Variants in ATP2B1 observed in about 807,000 individuals in gnomAD.
ATP2B1 encodes the protein plasma membrane calcium-transporting ATPase 1.
ATP2B1 carries 14 observed loss-of-function variants against 124.2 expected under a neutral mutation model. The observed-to-expected ratio is 0.11, with a 90% CI of 0.07 to 0.18. ATP2B1 has a LOEUF of 0.18. Among genes scored for constraint, ATP2B1 ranks in the 10% least tolerant of loss-of-function variants. The pLI is 1.00. For missense variants in ATP2B1, 763 were observed against 1,466.1 expected, an observed-to-expected ratio of 0.52 and a Z score of 7.83; for synonymous variants, 449 against 492.4, an observed-to-expected ratio of 0.91 and a Z score of 1.17.
Position 89,603,513 on chromosome 12 carries a change from T to C in ATP2B1, c.2848+199A>G. 1.5e-6 allele frequency: 1 copy of C among 647,052 alleles called. No individual in the cohort carries two copies. The highest frequency in any genetic ancestry group is 2.0e-5 in the South Asian group (1 of 49,650). The allele number at this position is 647,052 out of a possible 1,614,324, so 40.1% of individuals were successfully genotyped here. On this transcript the variant is annotated intron_variant, in intron 17 of 20. Transcript: ENST00000428670. This position sits in a 1 kb window ranked among gnomAD's most constrained non-coding sequence, Gnocchi z 4.3. Reference sequence around the variant, plus strand: ...CAGGGTAAGACATCAGGACTGTTTATTCTCCTGTTTATTCTACTATCTAGC... The same window carrying C: ...CAGGGTAAGACATCAGGACTGTTTACTCTCCTGTTTATTCTACTATCTAGC...
chr12:89,643,099 C>CGT (rs1883845217), intron 2 of ATP2B1, among the ~76,000 whole-genome samples: 1 of 145,170 alleles, frequency 6.9e-6, no homozygotes, highest in Admixed American at 6.9e-5. Context: ...CACATATATA[C>CGT]ATACGTATAT....
At chr12:89,707,580 C>G (rs1302985440) in intron 1 of ATP2B1, among the ~76,000 whole-genome samples, 1 of 152,178 alleles carries the variant, frequency 6.6e-6, no homozygotes, top group African/African-American at 2.4e-5. Flanking sequence ...CTGCAGCGCT[C>G]TAACCCAAAG....
chr12:89,622,746 G>T (rs1327051311), intron 9 of ATP2B1, among the ~76,000 whole-genome samples: 1 of 152,142 alleles, frequency 6.6e-6, no homozygotes, highest in Admixed American at 6.5e-5. Context: ...AACACTAACA[G>T]AGAATCCATA....
intron 1 of ATP2B1, among the ~76,000 whole-genome samples, chr12:89,658,604 A>T (rs1284181717): frequency 9.0e-6 from 1 of 110,730 alleles, no homozygotes; most frequent in African/African-American, 3.6e-5. Context: ...AACAGGAGAG[A>T]GAGAGAGAGA....
At chr12:89,658,871 C>A (rs1159186835) in intron 1 of ATP2B1, among the ~76,000 whole-genome samples, 1 of 152,126 alleles carries the variant, frequency 6.6e-6, no homozygotes, top group Non-Finnish European at 1.5e-5. Context: ...GAAAAGGAAG[C>A]CCAGACAAAA....
intron 1 of ATP2B1, among the ~76,000 whole-genome samples, chr12:89,701,020 C>T (rs1891780528): frequency 6.6e-6 from 1 of 152,204 alleles, no homozygotes; most frequent in African/African-American, 2.4e-5. Context: ...CTATGTATCA[C>T]TCAGACATTC....
chr12:89,592,013 C>G (rs1247875996), intron 20 of ATP2B1, among the ~76,000 whole-genome samples: 1 of 151,946 alleles, frequency 6.6e-6, no homozygotes, highest in African/African-American at 2.4e-5. Context: ...AAAAACAAAT[C>G]CTCTGGGATT....
chr12:89,601,071 C>A (rs1018785124), intron 19 of ATP2B1, among the ~76,000 whole-genome samples: 2 of 151,926 alleles, frequency 1.3e-5, no homozygotes, highest in Admixed American at 1.3e-4. Flanking sequence ...AAAACCGCTA[C>A]AAAACTTCTA....
At chr12:89,682,496 T>C (rs561778143) in intron 1 of ATP2B1, among the ~76,000 whole-genome samples, 18 of 152,166 alleles carry the variant, frequency 1.2e-4, no homozygotes, top group African/African-American at 3.6e-4. Context: ...AGTATGGCAA[T>C]GATAGATAAA....
At chr12:89,637,815 T>TA (rs1882931134) in intron 3 of ATP2B1, among the ~76,000 whole-genome samples, 1 of 151,280 alleles carries the variant, frequency 6.6e-6, no homozygotes, top group East Asian at 1.9e-4. Flanking sequence ...TTTTTCCTGA[T>TA]AGAGTAAATA....
At chr12:89,591,354 T>C (rs757086886) in intron 20 of ATP2B1, 59 bp from the exon 21 acceptor site, 29 of 1,447,342 alleles carry the variant, frequency 2.0e-5, no homozygotes, top group Non-Finnish European at 2.6e-5. Flanking sequence ...TTAAAAATGG[T>C]TCATTTATGA....
At chr12:89,680,664 G>C (rs11105368) in intron 1 of ATP2B1, among the ~76,000 whole-genome samples, 23,356 of 152,050 alleles carry the variant, frequency 0.15, 2,148 homozygotes, top group South Asian at 0.36. Flanking sequence ...AACAGAACTA[G>C]TATTTAAAAA....
At chr12:89,705,750 T>C (rs1892373528) in intron 1 of ATP2B1, among the ~76,000 whole-genome samples, 1 of 152,152 alleles carries the variant, frequency 6.6e-6, no homozygotes. Context: ...CCATATTCCA[T>C]AGTTCGACAG....
intron 2 of ATP2B1, among the ~76,000 whole-genome samples, chr12:89,647,330 T>C (rs191242062): frequency 2.6e-5 from 4 of 152,296 alleles, no homozygotes; most frequent in African/African-American, 9.6e-5. Flanking sequence ...TCCATCATTG[T>C]TTGGAGAAAT....
chr12:89,634,730 A>G lies in ATP2B1; in HGVS notation c.787+48T>C, dbSNP rs1048347440. ...AAATGGTGTTTGCTGACAATGGTAC[A>G]TAGTTGCGAAAGAGGAAAGTGTTCA... On this transcript the variant is annotated intron_variant, in intron 5 of 20. Coordinates refer to ENST00000428670, the MANE Select transcript of ATP2B1 (RefSeq NM_001366521.1). The G allele has an allele frequency of 1.9e-5, 28 of 1,501,620 alleles. No homozygotes were observed. In the African/African-American group the frequency reaches 3.4e-4, roughly 18 times the overall value. The allele number at this position is 1,501,620 out of a possible 1,614,324, so 93.0% of individuals were successfully genotyped here. A position where few individuals can be genotyped will look rare whatever the true frequency, so the allele number is the denominator to read the frequency against.
At chr12:89,705,277 T>G (rs867466384) in intron 1 of ATP2B1, among the ~76,000 whole-genome samples, 2 of 152,270 alleles carry the variant, frequency 1.3e-5, no homozygotes, top group Middle Eastern at 6.8e-3. Context: ...AATAAGCTAC[T>G]ATTAGTACCT....
rs1190382051 is a variant in ATP2B1, at chr12:89,656,057, G to A, written c.-171C>T. 3.1e-6 allele frequency: 2 copies of A among 637,242 alleles called. No homozygotes were observed. Among genetic ancestry groups the A allele is most frequent in the East Asian group, 2.8e-5 (1 of 36,038 alleles). The allele number at this position is 637,242 out of a possible 1,614,324, so 39.5% of individuals were successfully genotyped here. A position where few individuals can be genotyped will look rare whatever the true frequency, so the allele number is the denominator to read the frequency against. ...GCAACATTTCCCAGAGAAGTATCTT[G>A]ACCTTTGGCCCATGACTAGTTTCTC... On this transcript the variant is annotated 5_prime_UTR_variant, in exon 2 of 21. Coordinates refer to ENST00000428670, the MANE Select transcript of ATP2B1 (RefSeq NM_001366521.1).
rs67298800 is a variant in ATP2B1, at chr12:89,658,598, GGAGAGAGAGAGAGAGAGAGA to G, written c.-221-2511_-221-2492del. 3.6e-4 allele frequency among the ~76,000 whole-genome samples: 25 copies of G among 69,584 alleles called. 1 individual carries two copies. In the East Asian group the frequency reaches 7.9e-3, roughly 22 times the overall value. 45.6% of individuals were successfully genotyped at this position (69,584 alleles called of 152,430 possible). ...AGAATTCAAACAGAGAATTCAAACA[GGAGAGAGAGAGAGAGAGAGA>G]GAGAGAGAGAGAGAGAGAGAGAGAG... On this transcript the variant is annotated intron_variant, in intron 1 of 20. Transcript: ENST00000428670.
Position 89,674,001 on chromosome 12 carries a change from G to A in ATP2B1, c.-221-17894C>T, listed in dbSNP as rs377188462. Among the ~76,000 whole-genome samples the A allele has an allele frequency of 2.2e-4, 34 of 152,266 alleles. No individual in the cohort carries two copies. The East Asian group carries it at 5.2e-3, about 23-fold the overall frequency. On this transcript the variant is annotated intron_variant, in intron 1 of 20. Transcript: ENST00000428670. ...CAATTAATTTATATGTTTCTGAAGA[G>A]GTGAAGACTGACTTTCATGTCGTTT... is the stretch of plus-strand genomic sequence containing the variant.
Sources: allele counts gnomAD v4.1 joint callset (sites outside exome capture counted in the v4.1 genomes callset), GRCh38; gene constraint gnomAD v4.1.1; non-coding constraint Gnocchi (gnomAD v3.1); transcripts MANE v1.5; gene names NCBI Gene and HGNC (gene_info 2026-07-23, HGNC 2026-07-21).